Variants in BTRC observed in about 807,000 individuals in gnomAD.
BTRC encodes beta-transducin repeat containing E3 ubiquitin protein ligase, also known as F-box/WD repeat-containing protein 1A.
Under a neutral mutation model 85.5 loss-of-function variants are expected in BTRC, and 42 were observed. The observed-to-expected ratio is 0.49, with a 90% CI of 0.38 to 0.64. The LOEUF is 0.64. BTRC is among the 30% of genes least tolerant of loss of function. The pLI, the probability that BTRC is intolerant of heterozygous loss-of-function variation, is 0.00. For missense variants in BTRC, 594 were observed against 743.5 expected (o/e 0.80, Z 2.34); for synonymous variants, 255 against 263.3 (o/e 0.97, Z 0.30).
At chr10:101,534,019 A>G (rs893191772) in intron 9 of BTRC, among the ~76,000 whole-genome samples, 1 of 152,240 alleles carries the variant, frequency 6.6e-6, no homozygotes, top group Non-Finnish European at 1.5e-5. Context: ...AACATGTTAT[A>G]AAACCTTAAG....
chr10:101,411,141 G>A (rs1189846579), intron 1 of BTRC, among the ~76,000 whole-genome samples: 1 of 151,806 alleles, frequency 6.6e-6, no homozygotes, highest in Non-Finnish European at 1.5e-5. Flanking sequence ...CATTACAGGT[G>A]CAGGCCCCTA....
At chr10:101,492,456 CTA>C (rs1233971004) in intron 4 of BTRC, among the ~76,000 whole-genome samples, 1 of 152,090 alleles carries the variant, frequency 6.6e-6, no homozygotes, top group African/African-American at 2.4e-5. Flanking sequence ...TTATTTACAT[CTA>C]TGTGTGACGT....
chr10:101,441,930 C>T (rs902100934), intron 2 of BTRC, among the ~76,000 whole-genome samples: 6 of 146,586 alleles, frequency 4.1e-5, no homozygotes, highest in African/African-American at 1.3e-4. Flanking sequence ...AATGTAGACA[C>T]GTCTTGTTTT....
intron 1 of BTRC, among the ~76,000 whole-genome samples, chr10:101,400,420 C>CAG (rs34597650): frequency 0.36 from 54,821 of 151,982 alleles, 10,968 homozygotes; most frequent in Middle Eastern, 0.47. Context: ...TGCTGAGTAT[C>CAG]GGGATCCTTT....
At chr10:101,491,803 A>G (rs1038348919) in intron 4 of BTRC, among the ~76,000 whole-genome samples, 1 of 152,198 alleles carries the variant, frequency 6.6e-6, no homozygotes, top group Middle Eastern at 3.2e-3. Context: ...TTGTGAAGAC[A>G]TGATGAGGTC....
intron 1 of BTRC, among the ~76,000 whole-genome samples, chr10:101,413,745 A>G (rs1350039636): frequency 1.4e-4 from 22 of 152,236 alleles, no homozygotes; most frequent in Admixed American, 1.4e-3. Flanking sequence ...ATAAAATGTT[A>G]GATTGTGACC....
chr10:101,502,041 A>G (rs374889092), intron 4 of BTRC, among the ~76,000 whole-genome samples: 5 of 152,316 alleles, frequency 3.3e-5, no homozygotes, highest in African/African-American at 1.2e-4. Flanking sequence ...GTGCCCATGT[A>G]GGGGACATAT....
intron 1 of BTRC, among the ~76,000 whole-genome samples, chr10:101,423,110 A>G (rs888529917): frequency 6.6e-6 from 1 of 151,890 alleles, no homozygotes; most frequent in East Asian, 1.9e-4. Flanking sequence ...GATGGGGTCT[A>G]GTTATGTTGA....
At chr10:101,388,516 G>T (rs979593983) in intron 1 of BTRC, among the ~76,000 whole-genome samples, 84 of 150,396 alleles carry the variant, frequency 5.6e-4, no homozygotes, top group African/African-American at 1.9e-3. Flanking sequence ...TTGAGACAGG[G>T]TCTCATTCTG....
intron 2 of BTRC, among the ~76,000 whole-genome samples, chr10:101,449,311 GA>G (rs201583958): frequency 1.7e-4 from 26 of 149,264 alleles, no homozygotes; most frequent in African/African-American, 4.4e-4. Flanking sequence ...AAGGATGACA[GA>G]AAAAAAAAAT....
intron 1 of BTRC, among the ~76,000 whole-genome samples, chr10:101,379,640 T>C (rs1372970665): frequency 6.6e-6 from 1 of 152,198 alleles, no homozygotes; most frequent in Admixed American, 6.5e-5. Context: ...TGATTATCTT[T>C]TTAATTAAAA....
intron 13 of BTRC, among the ~76,000 whole-genome samples, chr10:101,546,083 T>A (rs1225744338): frequency 6.6e-6 from 1 of 152,292 alleles, no homozygotes. Flanking sequence ...GCCAATTCAG[T>A]AAGAACATAG....
At chr10:101,363,467 TC>T (rs1183236928) in intron 1 of BTRC, among the ~76,000 whole-genome samples, 16 of 137,824 alleles carry the variant, frequency 1.2e-4, no homozygotes, top group Admixed American at 8.6e-4. Context: ...TTTTGTTTTT[TC>T]TTTTTTTTGA....
chr10:101,452,390 T>C (rs577143379), intron 2 of BTRC, among the ~76,000 whole-genome samples: 13 of 152,298 alleles, frequency 8.5e-5, no homozygotes, highest in African/African-American at 2.6e-4. Flanking sequence ...AACCAACCTA[T>C]CCATCTGCCA....
At chr10:101,415,563 C>G (rs1232226396) in intron 1 of BTRC, among the ~76,000 whole-genome samples, 1 of 136,994 alleles carries the variant, frequency 7.3e-6, no homozygotes, top group South Asian at 2.3e-4. Flanking sequence ...TATTTTGAGA[C>G]AGAGTTTCAC....
intron 6 of BTRC, among the ~76,000 whole-genome samples, chr10:101,526,706 A>G (rs2062197525): frequency 6.6e-6 from 1 of 152,222 alleles, no homozygotes; most frequent in Non-Finnish European, 1.5e-5. Flanking sequence ...CATGAACCCT[A>G]GGTTTCTTTC....
At chr10:101,462,182 C>T in intron 3 of BTRC, 124 bp downstream of exon 3, 2 of 691,440 alleles carry the variant, frequency 2.9e-6, no homozygotes, top group African/African-American at 1.8e-5. Flanking sequence ...GGACGTTGGC[C>T]TGGCCATAGC....
chr10:101,438,105 G>A (rs537958288), intron 2 of BTRC, among the ~76,000 whole-genome samples: 2 of 152,148 alleles, frequency 1.3e-5, no homozygotes, highest in African/African-American at 4.8e-5. Flanking sequence ...AACTTTTTAC[G>A]TGTGTTGGAT....
At position 101,367,032 on chromosome 10, in the gene BTRC, T is replaced by TA. The variant is rs1564730851; in HGVS notation, c.48+12804_48+12805insA. On this transcript the variant is annotated intron_variant, in intron 1 of 14. Transcript: ENST00000370187. ...TATATATATATTTATATTTATATAT[T>TA]TATATATATAAATATATATATATAT... 2.0e-3 allele frequency among the ~76,000 whole-genome samples: 105 copies of TA among 52,240 alleles called. 8 individuals are homozygous for TA. The highest frequency in any genetic ancestry group is 7.5e-3 in the Admixed American group (21 of 2,814). The allele number at this position is 52,240 out of a possible 152,430, so 34.3% of individuals were successfully genotyped here. A position where few individuals can be genotyped will look rare whatever the true frequency, so the allele number is the denominator to read the frequency against.
Sources: gnomAD v4.1 joint callset for allele counts (sites outside exome capture counted in the v4.1 genomes callset) on GRCh38, gnomAD v4.1.1 for gene constraint, MANE v1.5 for transcripts, NCBI Gene and HGNC (gene_info 2026-07-23, HGNC 2026-07-21) for gene names.